Variants in TUBB4A observed in about 807,000 individuals in gnomAD.
TUBB4A encodes tubulin beta 4A class IVa, also known as tubulin beta-4A chain.
Under a neutral mutation model 35.1 loss-of-function variants are expected in TUBB4A, and 13 were observed. The ratio of observed to expected loss-of-function variants is 0.37; its 90% CI spans 0.24 to 0.59. The LOEUF is 0.59. TUBB4A is among the 20% of genes least tolerant of loss of function. The pLI is 0.71. For missense variants in TUBB4A, 299 were observed against 647.2 expected, an observed-to-expected ratio of 0.46 and a Z score of 5.84; for synonymous variants, 279 against 272.4, an observed-to-expected ratio of 1.02 and a Z score of -0.24.
At position 6,502,259 on chromosome 19, in the gene TUBB4A, G is replaced by A; in HGVS notation, c.-47C>T. 3.4e-6 allele frequency: 5 copies of A among 1,480,954 alleles called. No homozygotes were observed. Among genetic ancestry groups the A allele is most frequent in the Non-Finnish European group, 4.4e-6 (5 of 1,124,314 alleles). The allele number at this position is 1,480,954 out of a possible 1,614,324, so 91.7% of individuals were successfully genotyped here. ...CGCGGCGGCGGTGGCACGAGCGCGG[G>A]GAGCTGCGGCGGCGGCGAGGGTGGA... is the stretch of plus-strand genomic sequence containing the variant. On this transcript the variant is annotated 5_prime_UTR_variant, in exon 1 of 4. Transcript: ENST00000264071.
rs1914092300 is a variant in TUBB4A, at chr19:6,495,382, C to T, written c.1117G>A (p.Ala373Thr). The T allele has an allele frequency of 6.2e-7, 1 of 1,613,890 alleles. No homozygotes were observed. Among genetic ancestry groups the T allele is most frequent in the Non-Finnish European group, 8.5e-7 (1 of 1,179,992 alleles). ...ATGCGCTTGAACAGCTCCTGGATGG[C>T]CGTGCTGTTGCCGATGAAGGTCGCG... ...MAATFIGNSTAIQELFKRISE... is the reference protein window; with the variant it reads ...MAATFIGNSTTIQELFKRISE... Residue 373 changes from alanine to threonine, a missense_variant, in exon 4 of 4, where the codon GCC (alanine) becomes ACC (threonine). Physicochemically the swap from Ala to Thr is moderately conservative, Grantham distance 58 (BLOSUM62 0). Coordinates refer to ENST00000264071, the MANE Select transcript of TUBB4A (RefSeq NM_006087.4). The surrounding 1 kb of genome is among the most constrained non-coding windows in gnomAD (Gnocchi z 8.7).
intron 3 of TUBB4A, 38 bp from the exon 4 acceptor site, chr19:6,496,259 G>T: frequency 6.4e-7 from 1 of 1,566,720 alleles, no homozygotes. Flanking sequence ...ATGCAGTTAT[G>T]GGGAGCCCCA....
chr19:6,496,331 C>A lies in TUBB4A; in HGVS notation c.278-110G>T. Reference sequence around the variant, plus strand: ...CTAGTAGTTGAATACTAGTAACTATCAAAAATAATAACAAATAGCCGGGTG... The same window carrying A: ...CTAGTAGTTGAATACTAGTAACTATAAAAAATAATAACAAATAGCCGGGTG... On this transcript the variant is annotated intron_variant, in intron 3 of 3. Transcript: ENST00000264071. The A allele has an allele frequency of 3.7e-6, 4 of 1,074,604 alleles. No homozygotes were observed. The South Asian group carries it at 4.8e-5, about 13-fold the overall frequency. 66.6% of individuals were successfully genotyped at this position (1,074,604 alleles called of 1,614,324 possible). A position where few individuals can be genotyped will look rare whatever the true frequency, so the allele number is the denominator to read the frequency against.
chr19:6,499,053 G>A (rs766756726), intron 3 of TUBB4A, among the ~76,000 whole-genome samples: 1 of 152,088 alleles, frequency 6.6e-6, no homozygotes, highest in Admixed American at 6.6e-5. Flanking sequence ...GACCAGGCGC[G>A]GTTGCTCATG....
intron 3 of TUBB4A, among the ~76,000 whole-genome samples, chr19:6,499,905 C>T (rs1373101703): frequency 6.6e-6 from 1 of 151,918 alleles, no homozygotes; most frequent in Non-Finnish European, 1.5e-5. Context: ...AATTCTCTTG[C>T]CTCAGCCTCC....
chr19:6,495,093 C>T lies in TUBB4A; in HGVS notation c.*71G>A, dbSNP rs1296364171. ...GGAGGGAAAGCGGGGCTCTAGGGTT[C>T]AGAGATGGGGGGCCTAGCGGATCAA... On this transcript the variant is annotated 3_prime_UTR_variant, in exon 4 of 4. Coordinates refer to ENST00000264071, the MANE Select transcript of TUBB4A (RefSeq NM_006087.4). This position sits in a 1 kb window ranked among gnomAD's most constrained non-coding sequence, Gnocchi z 8.7. The T allele has an allele frequency of 3.8e-6, 6 of 1,567,950 alleles. No homozygotes were observed. The Admixed American group carries it at 1.1e-4, about 27-fold the overall frequency.
At chr19:6,497,557 T>C (rs1258646249) in intron 3 of TUBB4A, among the ~76,000 whole-genome samples, 1 of 151,960 alleles carries the variant, frequency 6.6e-6, no homozygotes, top group African/African-American at 2.4e-5. Flanking sequence ...TGAGCCACCA[T>C]GCTTGGCCTG....
At chr19:6,502,121 C>A (rs746207976) in intron 1 of TUBB4A, 35 bp downstream of exon 1, 2 of 1,536,614 alleles carry the variant, frequency 1.3e-6, no homozygotes, top group Non-Finnish European at 1.7e-6. Context: ...TCCCCGGGGC[C>A]GCCACTGCCT....
Position 6,501,861 on chromosome 19 carries a change from C to A in TUBB4A, c.58-238G>T. The A allele has an allele frequency of 1.7e-6, 1 of 588,948 alleles. No individual in the cohort carries two copies. Among genetic ancestry groups the A allele is most frequent in the Non-Finnish European group, 3.0e-6 (1 of 333,816 alleles). The allele number at this position is 588,948 out of a possible 1,614,324, so 36.5% of individuals were successfully genotyped here. A position where few individuals can be genotyped will look rare whatever the true frequency, so the allele number is the denominator to read the frequency against. ...TGGTGCCAGCGCACCCAGGCTGCAG[C>A]CCGGGGGAGGCACCGGGGCTCTTTG... On this transcript the variant is annotated intron_variant, in intron 1 of 3. Transcript: ENST00000264071. The surrounding 1 kb of genome is among the most constrained non-coding windows in gnomAD (Gnocchi z 4.2).
At chr19:6,496,900 G>A (rs1402149080) in intron 3 of TUBB4A, among the ~76,000 whole-genome samples, 4 of 137,370 alleles carry the variant, frequency 2.9e-5, no homozygotes, top group Non-Finnish European at 6.1e-5. Flanking sequence ...GCTCATGCCT[G>A]TAATCCTAAC....
Position 6,501,204 on chromosome 19 carries a change from G to GC in TUBB4A, c.277+82dup, listed in dbSNP as rs1399189188. 1 of 1,171,640 alleles carries GC rather than the reference G, an allele frequency of 8.5e-7. No individual in the cohort carries two copies. The highest frequency in any genetic ancestry group is 2.5e-5 in the East Asian group (1 of 40,794). 72.6% of individuals were successfully genotyped at this position (1,171,640 alleles called of 1,614,324 possible). On this transcript the variant is annotated intron_variant, in intron 3 of 3. Coordinates refer to ENST00000264071, the MANE Select transcript of TUBB4A (RefSeq NM_006087.4). This position sits in a 1 kb window ranked among gnomAD's most constrained non-coding sequence, Gnocchi z 4.2. ...TGTCCACCCCATCTCTGGTCTGTGGGCCCCGGTGGTGGCTGTTGACTCTGT... is the reference window on the plus strand; with the variant it reads ...TGTCCACCCCATCTCTGGTCTGTGGGCCCCCGGTGGTGGCTGTTGACTCTGT...
At position 6,495,689 on chromosome 19, in the gene TUBB4A, G is replaced by A. The variant is rs769093537; in HGVS notation, c.810C>T (p.Phe270=). 5.6e-5 allele frequency: 90 copies of A among 1,613,946 alleles called. No individual in the cohort carries two copies. Among genetic ancestry groups the A allele is most frequent in the Non-Finnish European group, 7.3e-5 (86 of 1,179,968 alleles). ...FPRLHFFMPG[F]APLTSRGSQQ... is the part of the protein sequence containing the mutation. ...GGCTGCCCCGGCTGGTCAGGGGTGC[G>A]AAGCCGGGCATGAAGAAGTGCAGGC... The change falls in exon 4 of 4, where the codon TTC becomes TTT. Residue 270 remains phenylalanine (F), a synonymous_variant. Transcript: ENST00000264071. This position sits in a 1 kb window ranked among gnomAD's most constrained non-coding sequence, Gnocchi z 8.7.
At chr19:6,496,434 C>T (rs1914193241) in intron 3 of TUBB4A, 1 of 508,882 alleles carries the variant, frequency 2.0e-6, no homozygotes, top group East Asian at 3.5e-5. Context: ...TCGAGACCAT[C>T]CTGGCTAACA....
intron 3 of TUBB4A, among the ~76,000 whole-genome samples, chr19:6,499,220 C>T (rs66479618): frequency 0.14 from 21,981 of 151,636 alleles, 2,025 homozygotes; most frequent in Admixed American, 0.2. Flanking sequence ...CCCAGCTACT[C>T]GTGAGGCAGG....
Position 6,494,882 on chromosome 19 carries a change from T to C in TUBB4A, c.*282A>G. ...CAGGGGTGAAGGAAGGTCTGCAAAG[T>C]TAAAGGTGCGGTTTCCAGAGTCAGA... On this transcript the variant is annotated 3_prime_UTR_variant, in exon 4 of 4. Coordinates refer to ENST00000264071, the MANE Select transcript of TUBB4A (RefSeq NM_006087.4). 3.7e-6 allele frequency: 2 copies of C among 536,784 alleles called. No homozygotes were observed. The highest frequency in any genetic ancestry group is 2.3e-5 in the South Asian group (1 of 43,974). The allele number at this position is 536,784 out of a possible 1,614,324, so 33.3% of individuals were successfully genotyped here. A position where few individuals can be genotyped will look rare whatever the true frequency, so the allele number is the denominator to read the frequency against.
In TUBB4A at chr19:6,502,137, G is replaced by C; in HGVS notation, c.57+19C>G. On this transcript the variant is annotated intron_variant, in intron 1 of 3. Coordinates refer to ENST00000264071, the MANE Select transcript of TUBB4A (RefSeq NM_006087.4). ...CCCCGGGGCCGCCACTGCCTCCCCG[G>C]GCCCCGTTCCCCGAGCACCTTGGCC... The C allele has an allele frequency of 6.4e-7, 1 of 1,556,482 alleles. No individual in the cohort carries two copies. The highest frequency in any genetic ancestry group is 8.6e-7 in the Non-Finnish European group (1 of 1,160,112).
chr19:6,495,671 C>T lies in TUBB4A; in HGVS notation c.828G>A (p.Arg276=). 6.2e-7 allele frequency: 1 copy of T among 1,614,062 alleles called. No individual in the cohort carries two copies. The highest frequency in any genetic ancestry group is 8.5e-7 in the Non-Finnish European group (1 of 1,179,940). Residue 276 remains arginine (R), a synonymous_variant, in exon 4 of 4, where the codon CGG becomes CGA. Transcript: ENST00000264071. This position sits in a 1 kb window ranked among gnomAD's most constrained non-coding sequence, Gnocchi z 8.7. The stretch of plus-strand genomic sequence containing the variant: ...TCAGGGCCCGGTACTGCTGGCTGCC[C>T]CGGCTGGTCAGGGGTGCGAAGCCGG... ...FMPGFAPLTS[R]GSQQYRALTV... is the part of the protein sequence containing the mutation.
chr19:6,497,994 G>A (rs1215799014), intron 3 of TUBB4A, among the ~76,000 whole-genome samples: 1 of 151,340 alleles, frequency 6.6e-6, no homozygotes, highest in Non-Finnish European at 1.5e-5. Flanking sequence ...GGCGGATAGC[G>A]AGGTCAGGAG....
At chr19:6,499,067 G>A (rs1045235845) in intron 3 of TUBB4A, among the ~76,000 whole-genome samples, 1 of 152,166 alleles carries the variant, frequency 6.6e-6, no homozygotes, top group African/African-American at 2.4e-5. Context: ...GCTCATGCCT[G>A]TAATCCCAGC....
Sources: gnomAD v4.1 joint callset for allele counts (sites outside exome capture counted in the v4.1 genomes callset) on GRCh38, gnomAD v4.1.1 for gene constraint, Gnocchi (gnomAD v3.1) non-coding constraint, MANE v1.5 for transcripts, NCBI Gene and HGNC (gene_info 2026-07-23, HGNC 2026-07-21) for gene names.